Variants in YAE1 observed in about 807,000 individuals in gnomAD.
YAE1 encodes YAE1 maturation factor of ABCE1.
Under a neutral mutation model 23.0 loss-of-function variants are expected in YAE1, and 22 were observed. The observed-to-expected ratio is 0.96, with a 90% CI of 0.68 to 1.37. The LOEUF is 1.37. Among genes scored for constraint, YAE1 ranks in the 40% most tolerant of loss-of-function variants. YAE1 has a pLI of 0.00. For synonymous variants in YAE1, 101 were observed against 97.0 expected, an observed-to-expected ratio of 1.04 and a Z score of -0.24; for missense variants, 260 against 262.1, an observed-to-expected ratio of 0.99 and a Z score of 0.06.
chr7:39,570,865 C>T (rs1790554038), intron 2 of YAE1: 1 of 420,764 alleles, frequency 2.4e-6, no homozygotes, highest in African/African-American at 2.1e-5. Flanking sequence ...AAGATGTATA[C>T]TTCTGCTACC....
intron 2 of YAE1, among the ~76,000 whole-genome samples, chr7:39,603,283 C>G (rs926919863): frequency 3.9e-5 from 6 of 152,178 alleles, no homozygotes; most frequent in Non-Finnish European, 8.8e-5. Context: ...GGACTACAGG[C>G]GCCCACCACC....
chr7:39,610,128 A>G (rs978340157), exon 3 of YAE1: 95 of 926,696 alleles, frequency 1.0e-4, no homozygotes, highest in Non-Finnish European at 1.5e-4. Flanking sequence ...AACAATATGT[A>G]CACGTCTCTC....
rs1791153970 is a variant in YAE1 at position 39,607,854 on chromosome 7, A to G, written c.252-1763A>G. ...TGGCTAATTTTTGTATTTTTAGTAG[A>G]GACGGGGTTTTACCATGTTCACCAG... On this transcript the variant is annotated intron_variant, in intron 2 of 2. Coordinates refer to the YAE1 transcript ENST00000432096. Among the ~76,000 whole-genome samples, 4 of 152,294 alleles carry G rather than the reference A, an allele frequency of 2.6e-5. No homozygotes were observed. The East Asian group carries it at 7.7e-4, about 29-fold the overall frequency.
chr7:39,588,925 C>CAA (rs1316699887), intron 2 of YAE1, among the ~76,000 whole-genome samples: 1 of 151,716 alleles, frequency 6.6e-6, no homozygotes, highest in East Asian at 1.9e-4. Context: ...CCGGGTTCAA[C>CAA]AATTCTCCTG....
chr7:39,570,627 G>A lies in YAE1; in HGVS notation c.251G>A (p.Ser84Asn), dbSNP rs752348110. Reference sequence around the variant, plus strand: ...TATGGACGACTCCGAGGAACATTGAGGTAATTTTTAAAGTCTAAATGCTGA... The same window carrying A: ...TATGGACGACTCCGAGGAACATTGAAGTAATTTTTAAAGTCTAAATGCTGA... Reference protein sequence around the residue: ...LNYGRLRGTLSALLSWCHLHN... With the variant: ...LNYGRLRGTLNALLSWCHLHN... Residue 84 changes from serine (S) to asparagine (N), a missense_variant and splice_region_variant, in exon 2 of 3, where the codon AGT becomes AAT. Coordinates refer to ENST00000223273, the MANE Select transcript of YAE1 (RefSeq NM_020192.5). 12 of 1,588,904 alleles carry A rather than the reference G, an allele frequency of 7.6e-6. No individual in the cohort carries two copies. Among genetic ancestry groups the A allele is most frequent in the Non-Finnish European group, 9.4e-6 (11 of 1,174,264 alleles).
intron 2 of YAE1, among the ~76,000 whole-genome samples, chr7:39,585,911 C>G (rs1039285075): frequency 2.6e-5 from 4 of 152,078 alleles, no homozygotes; most frequent in Admixed American, 2.6e-4. Flanking sequence ...GAGACCAGCC[C>G]GGGCAAGATG....
chr7:39,597,497 T>C (rs922924452), intron 2 of YAE1, among the ~76,000 whole-genome samples: 1 of 152,234 alleles, frequency 6.6e-6, no homozygotes. Context: ...TTAGTTCTGA[T>C]AATTCGCTGG....
At chr7:39,591,691 G>A (rs141148202) in intron 2 of YAE1, among the ~76,000 whole-genome samples, 174 of 151,196 alleles carry the variant, frequency 1.2e-3, no homozygotes, top group Non-Finnish European at 2.1e-3. Flanking sequence ...TATTATCTCC[G>A]ACAGTCCACA....
chr7:39,578,529 G>A (rs1338734904), intron 2 of YAE1, among the ~76,000 whole-genome samples: 1 of 152,210 alleles, frequency 6.6e-6, no homozygotes, highest in Non-Finnish European at 1.5e-5. Flanking sequence ...ACGGGCTGCA[G>A]CTTCGCTCCT....
chr7:39,578,843 G>T (rs1177704745), intron 2 of YAE1, among the ~76,000 whole-genome samples: 1 of 152,158 alleles, frequency 6.6e-6, no homozygotes, highest in Non-Finnish European at 1.5e-5. Flanking sequence ...AAACAGTTAC[G>T]TTAATATAAT....
downstream of YAE1, among the ~76,000 whole-genome samples, chr7:39,575,573 A>T (rs201661231): frequency 3.7e-4 from 34 of 90,982 alleles, no homozygotes; most frequent in African/African-American, 1.4e-3. Context: ...AGAGAGAGAG[A>T]GAGAGTGAGT....
intron 2 of YAE1, among the ~76,000 whole-genome samples, chr7:39,581,796 C>CA (rs1041194668): frequency 6.6e-6 from 1 of 151,702 alleles, no homozygotes; most frequent in African/African-American, 2.4e-5. Flanking sequence ...GGCTTAAGCC[C>CA]AGGAGTTCAA....
At position 39,566,441 on chromosome 7, in the gene YAE1, C is replaced by T. The variant is rs761144000; in HGVS notation, c.23C>T (p.Ser8Phe). ...GTGATGTCGTGGGTTCAAGCAGCCTCCTTGATCCAGGGCCCTGGAGACAAA... is the reference window on the plus strand; with the variant it reads ...GTGATGTCGTGGGTTCAAGCAGCCTTCTTGATCCAGGGCCCTGGAGACAAA... MSWVQAA[S>F]LIQGPGDKGD... Residue 8 changes from serine to phenylalanine, a missense_variant, in exon 1 of 3, where the codon TCC (serine) becomes TTC (phenylalanine). Coordinates refer to ENST00000223273, the MANE Select transcript of YAE1 (RefSeq NM_020192.5). The T allele has an allele frequency of 1.2e-6, 2 of 1,614,186 alleles. No homozygotes were observed. Among genetic ancestry groups the T allele is most frequent in the Non-Finnish European group, 8.5e-7 (1 of 1,180,014 alleles).
chr7:39,590,396 C>G (rs972940069), intron 2 of YAE1, among the ~76,000 whole-genome samples: 5 of 152,010 alleles, frequency 3.3e-5, no homozygotes, highest in African/African-American at 1.2e-4. Flanking sequence ...TTATTTTATT[C>G]TCATAAAGTG....
chr7:39,585,738 T>C (rs1305070144), intron 2 of YAE1, among the ~76,000 whole-genome samples: 2 of 152,194 alleles, frequency 1.3e-5, no homozygotes, highest in African/African-American at 4.8e-5. Context: ...AATAGATACA[T>C]TGGTGAACAA....
intron 2 of YAE1, among the ~76,000 whole-genome samples, chr7:39,605,825 A>G (rs1447603547): frequency 2.0e-5 from 3 of 152,132 alleles, no homozygotes; most frequent in Non-Finnish European, 4.4e-5. Flanking sequence ...CTTATAGGTA[A>G]ATCGAGTATG....
chr7:39,596,688 G>A (rs985702438), intron 2 of YAE1, among the ~76,000 whole-genome samples: 3 of 152,060 alleles, frequency 2.0e-5, no homozygotes, highest in East Asian at 3.9e-4. Context: ...TACTTATGAC[G>A]TTACGTGAAA....
chr7:39,609,836 T>A (rs942003742), exon 3 of YAE1: 1 of 1,533,064 alleles, frequency 6.5e-7, no homozygotes, highest in Non-Finnish European at 8.7e-7. Flanking sequence ...CCCCAGGCCC[T>A]GGGACGCCGA....
intron 2 of YAE1, among the ~76,000 whole-genome samples, chr7:39,589,516 C>T (rs1467891465): frequency 6.6e-6 from 1 of 152,150 alleles, no homozygotes; most frequent in Non-Finnish European, 1.5e-5. Context: ...ACCTTGGCCT[C>T]TCACAGAGCT....
Sources: allele counts gnomAD v4.1 joint callset (sites outside exome capture counted in the v4.1 genomes callset), GRCh38; gene constraint gnomAD v4.1.1; transcripts MANE v1.5; gene names NCBI Gene and HGNC (gene_info 2026-07-23, HGNC 2026-07-21).